The following ZBTB37 variants were observed in gnomAD, a reference collection of about 807,000 sequenced individuals.
ZBTB37 encodes zinc finger and BTB domain-containing protein 37.
In ZBTB37, 15 loss-of-function variants were observed where a neutral mutation model predicts 37.7. The ratio of observed to expected loss-of-function variants is 0.40; its 90% CI spans 0.27 to 0.61. The LOEUF (loss-of-function observed/expected upper bound fraction) is 0.61, where lower values mean the gene tolerates loss of function less well. ZBTB37 is among the 20% of genes least tolerant of loss of function. ZBTB37 has a pLI of 0.44. For synonymous variants in ZBTB37, 231 were observed against 220.6 expected, an observed-to-expected ratio of 1.05 and a Z score of -0.42; for missense variants, 514 against 641.9, an observed-to-expected ratio of 0.80 and a Z score of 2.15.
intron 2 of ZBTB37, among the ~76,000 whole-genome samples, chr1:173,869,759 TAAG>T (rs1557880318): frequency 1.3e-5 from 2 of 149,354 alleles, no homozygotes; most frequent in African/African-American, 2.6e-5. Context: ...AGTAAAATAC[TAAG>T]AAGAGGGATA....
intron 2 of ZBTB37, among the ~76,000 whole-genome samples, 191 bp from the exon 3 acceptor site, chr1:173,870,009 C>T (rs969677607): frequency 1.8e-4 from 28 of 152,092 alleles, no homozygotes; most frequent in African/African-American, 6.5e-4. Context: ...TAACTATGTC[C>T]TCCTGTGAAA....
intron 1 of ZBTB37, 44 bp downstream of exon 1, chr1:173,868,449 G>A: frequency 6.5e-6 from 1 of 153,588 alleles, no homozygotes. Context: ...ACACCCCAGT[G>A]CCACTTCCCT....
intron 4 of ZBTB37, among the ~76,000 whole-genome samples, chr1:173,878,053 A>T (rs1473031227): frequency 6.6e-6 from 1 of 151,970 alleles, no homozygotes; most frequent in African/African-American, 2.4e-5. Flanking sequence ...AAACAGATAG[A>T]CTCTCCCTGT....
exon 4 of ZBTB37, chr1:173,899,163 A>C (rs1657163957): frequency 6.6e-6 from 1 of 152,216 alleles, no homozygotes; most frequent in Non-Finnish European, 1.5e-5. Flanking sequence ...GAAGTGGTAA[A>C]ATTAAATTAT....
chr1:173,868,441 AC>A, intron 1 of ZBTB37, 36 bp downstream of exon 1: 1 of 152,764 alleles, frequency 6.5e-6, no homozygotes, highest in Non-Finnish European at 1.5e-5. Flanking sequence ...CGGGCCCCAC[AC>A]CCCAGTGCCA....
intron 4 of ZBTB37, among the ~76,000 whole-genome samples, chr1:173,876,257 G>T (rs1655963125): frequency 6.6e-6 from 1 of 151,908 alleles, no homozygotes; most frequent in African/African-American, 2.4e-5. Context: ...CATAGCTCAT[G>T]TTTCTAGCCT....
At chr1:173,873,350 G>T in intron 3 of ZBTB37, 117 bp from the exon 4 acceptor site, 1 of 1,005,728 alleles carries the variant, frequency 9.9e-7, no homozygotes, top group Non-Finnish European at 1.4e-6. Flanking sequence ...TCAGTTATTT[G>T]TTGCTTGGTT....
downstream of ZBTB37, chr1:173,890,561 G>T (rs1656803269): frequency 1.3e-5 from 2 of 152,152 alleles, no homozygotes; most frequent in Admixed American, 6.5e-5. Context: ...ATGTGAAAGA[G>T]TTTAAAATAT....
chr1:173,873,742 C>T lies in ZBTB37; in HGVS notation c.1023+176C>T, dbSNP rs1453635918. ...GTTTAATATTAAAATTATACAGAGA[C>T]ATCACCAGAAAGGAAAATTGCAGAC... is the stretch of plus-strand genomic sequence containing the variant. On this transcript the variant is annotated intron_variant, in intron 4 of 4. Transcript: ENST00000427304. 3.5e-6 allele frequency: 4 copies of T among 1,131,880 alleles called. No individual in the cohort carries two copies. The African/African-American group carries it at 4.8e-5, about 14-fold the overall frequency. The allele number at this position is 1,131,880 out of a possible 1,614,324, so 70.1% of individuals were successfully genotyped here.
chr1:173,877,744 T>C (rs1267128946), intron 4 of ZBTB37, among the ~76,000 whole-genome samples: 3 of 152,132 alleles, frequency 2.0e-5, no homozygotes, highest in African/African-American at 7.2e-5. Flanking sequence ...GTAATATATA[T>C]GCCTTAATGG....
At chr1:173,871,094 C>T in exon 3 of ZBTB37, 1 of 1,613,566 alleles carries the variant, frequency 6.2e-7, no homozygotes, top group Middle Eastern at 1.7e-4. Context: ...GAAAATTATA[C>T]TTTAGGGTCT....
chr1:173,893,138 A>G (rs1276309475), exon 4 of ZBTB37: 2 of 152,204 alleles, frequency 1.3e-5, no homozygotes, highest in Non-Finnish European at 2.9e-5. Context: ...CCTGGCCTCA[A>G]TTGATCCTCC....
At chr1:173,871,885 AT>A (rs1655589898) in intron 3 of ZBTB37, among the ~76,000 whole-genome samples, 1 of 152,172 alleles carries the variant, frequency 6.6e-6, no homozygotes, top group Non-Finnish European at 1.5e-5. Context: ...GAAAGTCTCA[AT>A]TGAAAGAAAT....
At chr1:173,878,685 T>C (rs1421062184) in intron 4 of ZBTB37, among the ~76,000 whole-genome samples, 1 of 152,252 alleles carries the variant, frequency 6.6e-6, no homozygotes, top group Non-Finnish European at 1.5e-5. Context: ...CTTCTAGTGG[T>C]AAACATTAAG....
exon 4 of ZBTB37, chr1:173,896,357 C>T (rs1391158589): frequency 1.3e-5 from 2 of 151,984 alleles, no homozygotes; most frequent in African/African-American, 4.8e-5. Context: ...TGTAGTCTGC[C>T]CTTTATGACA....
downstream of ZBTB37, chr1:173,889,956 C>A (rs912035728): frequency 1.3e-4 from 20 of 152,092 alleles, no homozygotes; most frequent in African/African-American, 4.8e-4. Context: ...AAACTTTTTC[C>A]CCCCGACTTC....
exon 4 of ZBTB37, chr1:173,893,029 A>G (rs189833493): frequency 6.6e-6 from 1 of 152,122 alleles, no homozygotes; most frequent in African/African-American, 2.4e-5. Flanking sequence ...CAGCCTCCCA[A>G]ATAGCTGAGA....
chr1:173,884,487 G>A (rs1656513367), intron 4 of ZBTB37, among the ~76,000 whole-genome samples: 1 of 152,058 alleles, frequency 6.6e-6, no homozygotes, highest in Non-Finnish European at 1.5e-5. Flanking sequence ...GTAATTTATT[G>A]AAAGGAATAT....
At chr1:173,875,821 AT>A (rs1013331303) in intron 4 of ZBTB37, among the ~76,000 whole-genome samples, 4 of 151,056 alleles carry the variant, frequency 2.6e-5, no homozygotes, top group East Asian at 2.0e-4. Context: ...TGCCCAGCTG[AT>A]TTTTTTGTGT....
Sources: gnomAD v4.1 joint callset for allele counts (sites outside exome capture counted in the v4.1 genomes callset) on GRCh38, gnomAD v4.1.1 for gene constraint, MANE v1.5 for transcripts, NCBI Gene and HGNC (gene_info 2026-07-23, HGNC 2026-07-21) for gene names.